Variants in RTL4 observed in about 807,000 individuals in gnomAD.
The protein encoded by RTL4 is retrotransposon Gag-like protein 4.
A neutral mutation model predicts 5.3 loss-of-function variants in RTL4; 4 were observed. That is an observed-to-expected ratio of 0.75 (90% confidence interval 0.37 to 1.72). The LOEUF (loss-of-function observed/expected upper bound fraction) is 1.72. Among genes scored for constraint, RTL4 ranks in the 40% most tolerant of loss-of-function variants. The pLI is 0.04. For missense variants in RTL4, 260 were observed against 227.1 expected (o/e 1.14, Z -0.93); for synonymous variants, 98 against 87.3 (o/e 1.12, Z -0.68).
the RTL4 span, among the ~76,000 whole-genome samples, chrX:112,354,335 G>A: frequency 9.0e-6 from 1 of 111,161 alleles, no homozygotes; most frequent in Non-Finnish European, 1.9e-5. Flanking sequence ...CATTAAAATG[G>A]TGATGGCAAT....
the RTL4 span, among the ~76,000 whole-genome samples, chrX:112,185,376 A>AATATAT: frequency 0.032 from 2,741 of 85,156 alleles, 76 homozygotes; most frequent in African/African-American, 0.074. Context: ...CTATTTTATT[A>AATATAT]ATATATATAT....
chrX:112,334,830 T>C, the RTL4 span, among the ~76,000 whole-genome samples: 1 of 111,974 alleles, frequency 8.9e-6, no homozygotes, highest in Non-Finnish European at 1.9e-5. Flanking sequence ...TAAATTCTCT[T>C]GTTTTTGTTT....
chrX:112,363,405 T>C, the RTL4 span, among the ~76,000 whole-genome samples: 2 of 111,298 alleles, frequency 1.8e-5, no homozygotes, highest in East Asian at 5.7e-4. Context: ...GGAAATTATT[T>C]GGGGAATGGT....
At chrX:112,291,626 T>C in the RTL4 span, among the ~76,000 whole-genome samples, 1 of 109,791 alleles carries the variant, frequency 9.1e-6, no homozygotes, top group Admixed American at 9.7e-5. Context: ...TGACGGAGTC[T>C]TGCTCTGTCA....
At chrX:112,398,396 C>CTTTTTTTTTTTTT in the RTL4 span, among the ~76,000 whole-genome samples, 1 of 72,169 alleles carries the variant, frequency 1.4e-5, no homozygotes. Flanking sequence ...TTCTTTCTTT[C>CTTTTTTTTTTTTT]TTTTTTTTTT....
chrX:112,180,360 T>C, the RTL4 span, among the ~76,000 whole-genome samples: 1 of 111,675 alleles, frequency 9.0e-6, no homozygotes, highest in Non-Finnish European at 1.9e-5. Flanking sequence ...ATAACAGATA[T>C]TTGAATGAAC....
chrX:112,299,528 G>T, the RTL4 span, among the ~76,000 whole-genome samples: 2 of 111,618 alleles, frequency 1.8e-5, no homozygotes, highest in Non-Finnish European at 3.8e-5. Context: ...TGGCACCTGG[G>T]CCCTGGAACT....
At chrX:112,108,750 C>T in the RTL4 span, among the ~76,000 whole-genome samples, 1 of 111,735 alleles carries the variant, frequency 8.9e-6, no homozygotes, top group South Asian at 3.8e-4. Flanking sequence ...GGCTGACATG[C>T]TGCTGAGTGC....
chrX:112,243,135 T>C, the RTL4 span, among the ~76,000 whole-genome samples: 1 of 111,558 alleles, frequency 9.0e-6, no homozygotes, highest in African/African-American at 3.3e-5. Flanking sequence ...TCATCAGGGA[T>C]ATTGGTCTAA....
the RTL4 span, among the ~76,000 whole-genome samples, chrX:112,194,628 T>G: frequency 8.9e-6 from 1 of 112,054 alleles, no homozygotes; most frequent in Non-Finnish European, 1.9e-5. Flanking sequence ...ATTATGACTC[T>G]GACCTTAACC....
chrX:112,303,764 A>T, the RTL4 span, among the ~76,000 whole-genome samples: 51 of 100,263 alleles, frequency 5.1e-4, 1 homozygote, highest in African/African-American at 2.1e-3. Context: ...TAATAATAAT[A>T]AAAAAAATTA....
At chrX:112,211,341 T>A in the RTL4 span, among the ~76,000 whole-genome samples, 2 of 111,634 alleles carry the variant, frequency 1.8e-5, no homozygotes, top group African/African-American at 6.5e-5. Context: ...TGCAGATGAG[T>A]GTATTGACAT....
chrX:112,301,495 G>C, the RTL4 span, among the ~76,000 whole-genome samples: 1 of 110,726 alleles, frequency 9.0e-6, no homozygotes. Context: ...TAAAAACTTG[G>C]TTTAATAGTA....
chrX:112,127,579 A>G, the RTL4 span, among the ~76,000 whole-genome samples: 3 of 111,914 alleles, frequency 2.7e-5, no homozygotes, highest in East Asian at 2.8e-4. Flanking sequence ...AACCAGAGCC[A>G]TTAGGTAAGA....
At chrX:112,455,805 C>A in exon 1 of RTL4, 1 of 571,845 alleles carries the variant, frequency 1.7e-6, no homozygotes, top group Non-Finnish European at 2.7e-6. Flanking sequence ...GGAATTTAAA[C>A]AATCAGATCT....
the RTL4 span, among the ~76,000 whole-genome samples, chrX:112,297,578 C>A: frequency 9.0e-6 from 1 of 111,230 alleles, no homozygotes; most frequent in Non-Finnish European, 1.9e-5. Flanking sequence ...CACCTCCCAC[C>A]AGGCCCCACC....
chrX:112,201,734 T>C, the RTL4 span, among the ~76,000 whole-genome samples: 1 of 111,172 alleles, frequency 9.0e-6, no homozygotes, highest in South Asian at 3.8e-4. Flanking sequence ...GGTTTTACAT[T>C]ATCTATTTAC....
chrX:112,373,282 A>G, the RTL4 span, among the ~76,000 whole-genome samples: 1 of 111,462 alleles, frequency 9.0e-6, no homozygotes, highest in Non-Finnish European at 1.9e-5. Context: ...AGCACCATGA[A>G]CACTCAGTAT....
chrX:112,160,899 AG>A, the RTL4 span, among the ~76,000 whole-genome samples: 2 of 109,854 alleles, frequency 1.8e-5, no homozygotes, highest in Non-Finnish European at 3.8e-5. Flanking sequence ...ATTTAGGGAA[AG>A]GGATAAAGGT....
Sources: allele counts gnomAD v4.1 joint callset (sites outside exome capture counted in the v4.1 genomes callset), GRCh38; gene constraint gnomAD v4.1.1; transcripts MANE v1.5; gene names NCBI Gene and HGNC (gene_info 2026-07-23, HGNC 2026-07-21).